The following LOXHD1 variants were observed in gnomAD, a reference collection of about 807,000 sequenced individuals.
LOXHD1 encodes the protein lipoxygenase homology domain-containing protein 1.
Under a neutral mutation model 248.2 loss-of-function variants are expected in LOXHD1, and 205 were observed. The observed-to-expected ratio is 0.83, with a 90% CI of 0.74 to 0.93. LOXHD1 has a LOEUF of 0.93. Among genes scored for constraint, LOXHD1 ranks in the 40% least tolerant of loss-of-function variants. The pLI is 0.00. For synonymous variants in LOXHD1, 1,113 were observed against 1,162.8 expected (o/e 0.96, Z 0.87); for missense variants, 2,930 against 2,971.6 (o/e 0.99, Z 0.33).
chr18:46,560,663 AG>A, intron 18 of LOXHD1, 118 bp from the exon 19 acceptor site: 4 of 942,342 alleles, frequency 4.2e-6, no homozygotes, highest in Non-Finnish European at 6.2e-6. Flanking sequence ...CAGGATGGAG[AG>A]GGCTGGGGCC....
intron 25 of LOXHD1, among the ~76,000 whole-genome samples, chr18:46,539,234 G>T (rs2036452310): frequency 6.6e-6 from 1 of 152,194 alleles, no homozygotes; most frequent in Non-Finnish European, 1.5e-5. Flanking sequence ...GCCGAGGTGG[G>T]CTAATCACTA....
chr18:46,514,091 C>A (rs1337076827), intron 34 of LOXHD1, among the ~76,000 whole-genome samples: 1 of 152,206 alleles, frequency 6.6e-6, no homozygotes, highest in Non-Finnish European at 1.5e-5. Flanking sequence ...TGGGGAGCTG[C>A]ATCTCTATCT....
At chr18:46,569,344 G>C in intron 16 of LOXHD1, 98 bp downstream of exon 16, 1 of 1,019,938 alleles carries the variant, frequency 9.8e-7, no homozygotes, top group Non-Finnish European at 1.5e-6. Context: ...GTGTGTGCGT[G>C]TGTGTCTGTG....
At chr18:46,534,751 G>A (rs1379659452) in intron 26 of LOXHD1, among the ~76,000 whole-genome samples, 2 of 152,180 alleles carry the variant, frequency 1.3e-5, no homozygotes, top group Non-Finnish European at 2.9e-5. Flanking sequence ...GCTCACTGTT[G>A]TAGCAACTCA....
intron 5 of LOXHD1, among the ~76,000 whole-genome samples, chr18:46,614,407 A>G (rs977191412): frequency 6.6e-6 from 1 of 152,240 alleles, no homozygotes; most frequent in African/African-American, 2.4e-5. Context: ...GGATGAGTTC[A>G]TGTCCTTTTT....
At chr18:46,574,767 C>T (rs560177597) in intron 14 of LOXHD1, among the ~76,000 whole-genome samples, 1 of 152,278 alleles carries the variant, frequency 6.6e-6, no homozygotes, top group African/African-American at 2.4e-5. Flanking sequence ...GTACAATACC[C>T]TCAACCTCAC....
chr18:46,562,707 A>G (rs555832822), intron 18 of LOXHD1, among the ~76,000 whole-genome samples: 23 of 152,300 alleles, frequency 1.5e-4, no homozygotes, highest in African/African-American at 5.3e-4. Context: ...CATGGTTCTC[A>G]GGGTCGGCAG....
In LOXHD1 at chr18:46,560,129, G is replaced by A. The variant is rs534756824; in HGVS notation, c.3015C>T (p.Asn1005=). ...HRWLARGKED[N]ELVVELVPAG... Reference sequence around the variant, plus strand: ...CTGGCACCAACTCCACGACAAGTTCGTTGTCCTCCTTGCCCCGGGCCAGCC... The same window carrying A: ...CTGGCACCAACTCCACGACAAGTTCATTGTCCTCCTTGCCCCGGGCCAGCC... The change falls in exon 19 of 41, where the codon AAC becomes AAT. Residue 1005 remains asparagine (N), a synonymous_variant. Transcript: ENST00000642948. 242 of 1,509,876 alleles carry A rather than the reference G, an allele frequency of 1.6e-4. 1 individual carries two copies. In the East Asian group the frequency reaches 6.1e-3, roughly 38 times the overall value. 93.5% of individuals were successfully genotyped at this position (1,509,876 alleles called of 1,614,324 possible).
Position 46,521,266 on chromosome 18 carries a change from G to T in LOXHD1, c.5102C>A (p.Ala1701Asp), listed in dbSNP as rs1164174389. ...CACCAGCCAGCAGCTCTCAGGGGAG[G>T]CCCCGTCATGGCCCAGCTAGGAGGA... ...IKKIELGHDGASPESCWLVEE... is the reference protein window; with the variant it reads ...IKKIELGHDGDSPESCWLVEE... Residue 1701 changes from alanine (A) to aspartate (D), a missense_variant, in exon 33 of 41, where the codon GCC (alanine) becomes GAC (aspartate). Coordinates refer to ENST00000642948, the MANE Select transcript of LOXHD1 (RefSeq NM_001384474.1). The T allele has an allele frequency of 1.9e-6, 3 of 1,551,582 alleles. No individual in the cohort carries two copies. The highest frequency in any genetic ancestry group is 1.7e-6 in the Non-Finnish European group (2 of 1,147,006).
Position 46,546,981 on chromosome 18 carries a change from T to A in LOXHD1, c.3428A>T (p.Asp1143Val), listed in dbSNP as rs727503143. ...GCTCTGTGGCAGCACATAGGACTCA[T>A]CCACTGGCAACAGCTCCCTGGACAG... is the stretch of plus-strand genomic sequence containing the variant. Reference protein sequence around the residue: ...GQLSRELLPVDESYVLPQSEE... With the variant: ...GQLSRELLPVVESYVLPQSEE... The change falls in exon 22 of 41, where the codon GAT (aspartate) becomes GTT (valine). Residue 1143 changes from aspartate to valine, a missense_variant. Coordinates refer to ENST00000642948, the MANE Select transcript of LOXHD1 (RefSeq NM_001384474.1). 10 of 1,551,734 alleles carry A rather than the reference T, an allele frequency of 6.4e-6. No homozygotes were observed. Among genetic ancestry groups the A allele is most frequent in the Admixed American group, 2.0e-5 (1 of 51,008 alleles).
At chr18:46,544,919 G>T (rs2036731268) in intron 23 of LOXHD1, 1 of 474,980 alleles carries the variant, frequency 2.1e-6, no homozygotes, top group African/African-American at 2.0e-5. Flanking sequence ...AGAATGGCTG[G>T]ACAGTGGCGT....
rs16978576 is a variant in LOXHD1 at position 46,559,877 on chromosome 18, A to G, written c.3061+206T>C. Among the ~76,000 whole-genome samples the G allele has an allele frequency of 0.26, 39,696 of 152,148 alleles. 5,659 individuals are homozygous for G. The highest frequency in any genetic ancestry group is 0.35 in the African/African-American group (14,368 of 41,486). ...CATCAATTCTTCCTGAGAACCTCAG[A>G]ACAAGCGCCATGCTTATCCCCAAAC... On this transcript the variant is annotated intron_variant, in intron 19 of 40. Transcript: ENST00000642948.
At chr18:46,479,525 A>G (rs1186185073) in intron 40 of LOXHD1, among the ~76,000 whole-genome samples, 2 of 152,056 alleles carry the variant, frequency 1.3e-5, no homozygotes, top group African/African-American at 2.4e-5. Context: ...GCCACCTACC[A>G]TCTGTGTGAC....
intron 18 of LOXHD1, among the ~76,000 whole-genome samples, chr18:46,562,816 A>C (rs1475544469): frequency 6.6e-6 from 1 of 152,202 alleles, no homozygotes; most frequent in Non-Finnish European, 1.5e-5. Flanking sequence ...TGCACCAGGC[A>C]GCACTTTTTT....
At chr18:46,631,367 G>A (rs1008420197) in intron 4 of LOXHD1, among the ~76,000 whole-genome samples, 4 of 152,214 alleles carry the variant, frequency 2.6e-5, no homozygotes, top group Non-Finnish European at 4.4e-5. Flanking sequence ...GCCAGAGCAC[G>A]TGTGAACCAC....
chr18:46,650,085 C>T (rs967576608), intron 1 of LOXHD1, among the ~76,000 whole-genome samples: 1 of 152,122 alleles, frequency 6.6e-6, no homozygotes, highest in African/African-American at 2.4e-5. Flanking sequence ...TTGCTGCCAC[C>T]AGCCACCCTA....
chr18:46,556,971 C>G (rs2037365098), intron 21 of LOXHD1, among the ~76,000 whole-genome samples: 1 of 151,128 alleles, frequency 6.6e-6, no homozygotes, highest in South Asian at 2.1e-4. Context: ...CCACCCTCAC[C>G]CTCATACTCA....
chr18:46,634,987 A>G (rs1322140081), intron 4 of LOXHD1, among the ~76,000 whole-genome samples: 2 of 152,150 alleles, frequency 1.3e-5, no homozygotes, highest in Non-Finnish European at 2.9e-5. Context: ...TAAAAGAAGC[A>G]GGATAACAGA....
chr18:46,643,422 G>C (rs1323269802), intron 2 of LOXHD1, among the ~76,000 whole-genome samples: 1 of 152,188 alleles, frequency 6.6e-6, no homozygotes, highest in Admixed American at 6.5e-5. Context: ...TCCTGATGAA[G>C]AGCAAGGAAA....
Sources: gnomAD v4.1 joint callset for allele counts (sites outside exome capture counted in the v4.1 genomes callset) on GRCh38, gnomAD v4.1.1 for gene constraint, MANE v1.5 for transcripts, NCBI Gene and HGNC (gene_info 2026-07-23, HGNC 2026-07-21) for gene names.